Variants in KCNK10 observed in about 807,000 individuals in gnomAD.
The protein encoded by KCNK10 is potassium two pore domain channel subfamily K member 10.
Under a neutral mutation model 47.7 loss-of-function variants are expected in KCNK10, and 25 were observed. The ratio of observed to expected loss-of-function variants is 0.52; its 90% CI spans 0.38 to 0.73. The LOEUF (loss-of-function observed/expected upper bound fraction) is 0.73. KCNK10 is among the 30% of genes least tolerant of loss of function. The pLI is 0.00. For missense variants in KCNK10, 563 were observed against 714.5 expected, an observed-to-expected ratio of 0.79 and a Z score of 2.42; for synonymous variants, 303 against 285.6, an observed-to-expected ratio of 1.06 and a Z score of -0.61.
chr14:88,233,326 T>C (rs982343210), intron 3 of KCNK10, among the ~76,000 whole-genome samples: 1 of 152,210 alleles, frequency 6.6e-6, no homozygotes, highest in African/African-American at 2.4e-5. Context: ...AAAAAATGAC[T>C]GGCAGTGCCT....
chr14:88,293,925 TG>T (rs1478358749), intron 1 of KCNK10, among the ~76,000 whole-genome samples: 1 of 152,158 alleles, frequency 6.6e-6, no homozygotes, highest in African/African-American at 2.4e-5. Flanking sequence ...GCGATCCTCC[TG>T]CCTCAGCCTC....
At chr14:88,275,209 C>A (rs1290903603) in intron 1 of KCNK10, among the ~76,000 whole-genome samples, 1 of 152,152 alleles carries the variant, frequency 6.6e-6, no homozygotes, top group Non-Finnish European at 1.5e-5. Context: ...ACCCCATATT[C>A]TTGTGTCAAA....
At position 88,240,752 on chromosome 14, in the gene KCNK10, C is replaced by T; in HGVS notation, c.471G>A (p.Trp157Ter). The change falls in exon 3 of 7, where the codon TGG (tryptophan) becomes TGA (stop). Residue 157 changes from tryptophan (W) to a stop codon, truncating the protein, a stop_gained. Coordinates refer to ENST00000319231, the MANE Select transcript of KCNK10 (RefSeq NM_138317.3). LOFTEE classifies it high-confidence loss of function. Reference protein sequence around the residue: ...IGNSSNNSSHWDLGSAFFFAG... With the variant: ...IGNSSNNSSH ...CAAAGAAAAAGGCACTGCCGAGGTC[C>T]CAGTGGCTGCTGTTGTTGGAAGAGT... 2.5e-6 allele frequency: 4 copies of T among 1,613,924 alleles called. No homozygotes were observed. The highest frequency in any genetic ancestry group is 3.4e-6 in the Non-Finnish European group (4 of 1,179,868).
intron 1 of KCNK10, among the ~76,000 whole-genome samples, chr14:88,289,758 T>C (rs1487851031): frequency 6.6e-6 from 1 of 152,242 alleles, no homozygotes. Context: ...TAAGCCTCAG[T>C]GTTCTTATCC....
intron 2 of KCNK10, among the ~76,000 whole-genome samples, chr14:88,255,415 T>C (rs1466594217): frequency 2.6e-5 from 4 of 151,854 alleles, no homozygotes; most frequent in Non-Finnish European, 4.4e-5. Context: ...TACTTCAGAC[T>C]GGGCATGGTG....
At chr14:88,300,512 G>C (rs1396680555) in intron 1 of KCNK10, among the ~76,000 whole-genome samples, 1 of 152,154 alleles carries the variant, frequency 6.6e-6, no homozygotes, top group Non-Finnish European at 1.5e-5. Context: ...CATAATATGA[G>C]AAACCAAAGG....
At chr14:88,262,237 C>T (rs921925960) in intron 2 of KCNK10, among the ~76,000 whole-genome samples, 14 of 152,170 alleles carry the variant, frequency 9.2e-5, no homozygotes, top group Non-Finnish European at 1.3e-4. Flanking sequence ...TAAATGTCAC[C>T]GCCTTCCACC....
chr14:88,219,929 C>T (rs1008109136), intron 4 of KCNK10, among the ~76,000 whole-genome samples: 1 of 152,194 alleles, frequency 6.6e-6, no homozygotes, highest in African/African-American at 2.4e-5. Flanking sequence ...TACTATCGTC[C>T]TTTGTCCGAT....
intron 1 of KCNK10, among the ~76,000 whole-genome samples, chr14:88,289,328 C>T (rs1414358610): frequency 1.3e-5 from 2 of 152,326 alleles, no homozygotes; most frequent in Non-Finnish European, 2.9e-5. Context: ...TTTATTCACA[C>T]AGTTCCTCAG....
intron 4 of KCNK10, among the ~76,000 whole-genome samples, chr14:88,199,931 A>C (rs1172344663): frequency 6.6e-6 from 1 of 152,224 alleles, no homozygotes; most frequent in Non-Finnish European, 1.5e-5. Context: ...GATAAGCAGT[A>C]AACAACGCCC....
intron 1 of KCNK10, among the ~76,000 whole-genome samples, chr14:88,308,712 C>T (rs1182628500): frequency 6.6e-6 from 1 of 152,214 alleles, no homozygotes; most frequent in African/African-American, 2.4e-5. Flanking sequence ...CCAGTCTCGT[C>T]CCAGTATACA....
intron 1 of KCNK10, among the ~76,000 whole-genome samples, chr14:88,306,262 T>C (rs1350448953): frequency 6.6e-6 from 1 of 152,192 alleles, no homozygotes; most frequent in Non-Finnish European, 1.5e-5. Flanking sequence ...AAATTGTTCA[T>C]GTACTTTCAG....
At chr14:88,289,078 TCTCATTATAACACCA>T (rs1887825819) in intron 1 of KCNK10, among the ~76,000 whole-genome samples, 1 of 152,130 alleles carries the variant, frequency 6.6e-6, no homozygotes, top group African/African-American at 2.4e-5. Context: ...CCCGGGTTGG[TCTCATTATAACACCA>T]CTCAGTCTAC....
At chr14:88,313,063 G>C (rs1229348087) in intron 1 of KCNK10, among the ~76,000 whole-genome samples, 1 of 152,170 alleles carries the variant, frequency 6.6e-6, no homozygotes, top group African/African-American at 2.4e-5. Flanking sequence ...AAGAGTTCAG[G>C]CTTTAAATCA....
intron 2 of KCNK10, among the ~76,000 whole-genome samples, chr14:88,246,308 A>G (rs1400156821): frequency 6.6e-6 from 1 of 150,740 alleles, no homozygotes; most frequent in African/African-American, 2.4e-5. Context: ...TCCAGCCATT[A>G]GCAGTTGGGA....
intron 1 of KCNK10, among the ~76,000 whole-genome samples, chr14:88,285,520 A>C (rs1887742008): frequency 6.6e-6 from 1 of 152,182 alleles, no homozygotes; most frequent in South Asian, 2.1e-4. Context: ...TTAGCATGCC[A>C]ACTTCTTGTG....
In KCNK10 at chr14:88,263,321, A is replaced by G; in HGVS notation, c.283T>C (p.Phe95Leu). Reference protein sequence around the residue: ...VVYLVTGGLVFRALEQPFESS... With the variant: ...VVYLVTGGLVLRALEQPFESS... ...TCAAAGGGCTGCTCCAATGCCCGGA[A>G]GACAAGACCGCCAGTGACAAGGTAG... Residue 95 changes from phenylalanine (F) to leucine (L), a missense_variant, in exon 2 of 7, where the codon TTC (phenylalanine) becomes CTC (leucine). Coordinates refer to ENST00000319231, the MANE Select transcript of KCNK10 (RefSeq NM_138317.3). 6.2e-7 allele frequency: 1 copy of G among 1,614,026 alleles called. No individual in the cohort carries two copies. Among genetic ancestry groups the G allele is most frequent in the Non-Finnish European group, 8.5e-7 (1 of 1,180,034 alleles).
intron 4 of KCNK10, among the ~76,000 whole-genome samples, chr14:88,205,542 CTTTTTTTTTTT>C (rs200265659): frequency 1.7e-5 from 2 of 115,780 alleles, no homozygotes; most frequent in Non-Finnish European, 3.5e-5. Flanking sequence ...CTTTTCTTTT[CTTTTTTTTTTT>C]TTTTTTTTTG....
intron 2 of KCNK10, among the ~76,000 whole-genome samples, chr14:88,250,181 T>C (rs1160272046): frequency 6.6e-6 from 1 of 152,178 alleles, no homozygotes; most frequent in Non-Finnish European, 1.5e-5. Flanking sequence ...CCAATTTCCA[T>C]TACCTCTTTA....
Sources: allele counts gnomAD v4.1 joint callset (sites outside exome capture counted in the v4.1 genomes callset), GRCh38; gene constraint gnomAD v4.1.1; transcripts MANE v1.5; gene names NCBI Gene and HGNC (gene_info 2026-07-23, HGNC 2026-07-21).